Variants in PCDHA9 observed in about 807,000 individuals in gnomAD.
The protein encoded by PCDHA9 is protocadherin alpha-9.
A neutral mutation model predicts 62.0 loss-of-function variants in PCDHA9; 62 were observed. That is an observed-to-expected ratio of 1.00 (90% CI 0.81 to 1.23). PCDHA9 has a LOEUF of 1.23. Among genes scored for constraint, PCDHA9 ranks in the 50% most tolerant of loss-of-function variants. The probability of loss-of-function intolerance (pLI) is 0.00; values close to 1 mark genes in which losing one functional copy is unlikely to be tolerated. For synonymous variants in PCDHA9, 557 were observed against 567.6 expected, an observed-to-expected ratio of 0.98 and a Z score of 0.27; for missense variants, 1,205 against 1,249.8, an observed-to-expected ratio of 0.96 and a Z score of 0.54.
intron 1 of PCDHA9, chr5:140,966,814 CCGG>C (rs2096057641): frequency 1.9e-6 from 3 of 1,552,444 alleles, no homozygotes; most frequent in Non-Finnish European, 2.6e-6. Flanking sequence ...ATCCACGGCT[CCGG>C]CGGCCCATGC....
intron 1 of PCDHA9, among the ~76,000 whole-genome samples, chr5:140,905,575 G>A (rs1233481804): frequency 6.6e-6 from 1 of 152,138 alleles, no homozygotes; most frequent in Non-Finnish European, 1.5e-5. Flanking sequence ...TGTGAAGAAT[G>A]ATAATGATAT....
At chr5:140,902,189 C>T (rs2069172292) in intron 1 of PCDHA9, among the ~76,000 whole-genome samples, 1 of 145,890 alleles carries the variant, frequency 6.9e-6, no homozygotes, top group African/African-American at 2.6e-5. Flanking sequence ...TATGTCTTCT[C>T]TCTCTCTCTC....
rs189730532 is a variant in PCDHA9, at chr5:140,870,328, G to T, written c.2394+19439G>T. 1.5e-5 allele frequency: 24 copies of T among 1,614,208 alleles called. 2 individuals carry two copies. In the East Asian group the frequency reaches 4.7e-4, roughly 31 times the overall value. Reference sequence around the variant, plus strand: ...CAAGAATTACTACTCGTTGGTGCTGGACAGCGCCCTGGACCGCGAGAACGT... The same window carrying T: ...CAAGAATTACTACTCGTTGGTGCTGTACAGCGCCCTGGACCGCGAGAACGT... On this transcript the variant is annotated intron_variant, in intron 1 of 3. Transcript: ENST00000532602.
intron 1 of PCDHA9, chr5:140,869,752 G>C (rs1398153775): frequency 1.4e-5 from 22 of 1,613,136 alleles, no homozygotes; most frequent in Middle Eastern, 1.6e-4. Context: ...AGCTACAGAC[G>C]GGGGAAAACC....
intron 1 of PCDHA9, chr5:140,882,617 T>TA: frequency 6.2e-7 from 1 of 1,614,218 alleles, no homozygotes; most frequent in Non-Finnish European, 8.5e-7. Context: ...TCTGCAGGTT[T>TA]TCCATGTGGA....
chr5:140,876,948 C>T, intron 1 of PCDHA9: 2 of 1,613,572 alleles, frequency 1.2e-6, no homozygotes, highest in Non-Finnish European at 1.7e-6. Context: ...TGGTGTCCTA[C>T]TCGCTGGTGG....
chr5:140,873,086 C>T (rs984385666), intron 1 of PCDHA9, among the ~76,000 whole-genome samples: 6 of 152,122 alleles, frequency 3.9e-5, no homozygotes, highest in African/African-American at 9.7e-5. Context: ...ATTTCCCCCC[C>T]GTATAGAGGC....
At chr5:140,985,579 C>T (rs2097158687) in intron 3 of PCDHA9, among the ~76,000 whole-genome samples, 1 of 152,084 alleles carries the variant, frequency 6.6e-6, no homozygotes, top group African/African-American at 2.4e-5. Context: ...GTGCCTAAGC[C>T]TCCTTATACT....
intron 1 of PCDHA9, chr5:140,871,301 CGGG>C: frequency 6.2e-7 from 1 of 1,613,916 alleles, no homozygotes; most frequent in East Asian, 2.2e-5. Context: ...GCGTGCGCGC[CGGG>C]GAAGCCCACG....
chr5:140,933,545 A>G (rs1424166462), intron 1 of PCDHA9, among the ~76,000 whole-genome samples: 1 of 152,114 alleles, frequency 6.6e-6, no homozygotes, highest in Non-Finnish European at 1.5e-5. Flanking sequence ...TAATGTTAAT[A>G]TAAAATAAAA....
At position 140,853,244 on chromosome 5, in the gene PCDHA9, T is replaced by C. The variant is rs954151249; in HGVS notation, c.2394+2355T>C. ...TTGGTAATTTAGTCCTTCATATTAATCTCTATTCTCTCTCAGAGTACAAGC... is the reference window on the plus strand; with the variant it reads ...TTGGTAATTTAGTCCTTCATATTAACCTCTATTCTCTCTCAGAGTACAAGC... On this transcript the variant is annotated intron_variant, in intron 1 of 3. Transcript: ENST00000532602. 6.8e-5 allele frequency: 66 copies of C among 975,168 alleles called. 5 individuals carry two copies. Among genetic ancestry groups the C allele is most frequent in the Non-Finnish European group, 7.9e-5 (64 of 808,328 alleles). 60.4% of individuals were successfully genotyped at this position (975,168 alleles called of 1,614,324 possible).
In PCDHA9 at chr5:140,849,557, G is replaced by T. The variant is rs2150440607; in HGVS notation, c.1062G>T (p.Thr354=). The change falls in exon 1 of 4, where the codon ACG becomes ACT. Residue 354 remains threonine (T), a synonymous_variant. Coordinates refer to ENST00000532602, the MANE Select transcript of PCDHA9 (RefSeq NM_031857.2). ...ATGCTCCACAGTTGACTATCAAAAC[G>T]CTCTCGGTTCCTGTAAAAGAGGACG... The part of the protein sequence containing the change: ...NDNAPQLTIK[T]LSVPVKEDAQ... 2.5e-6 allele frequency: 4 copies of T among 1,598,482 alleles called. No individual in the cohort carries two copies. The highest frequency in any genetic ancestry group is 3.4e-6 in the Non-Finnish European group (4 of 1,167,902).
intron 1 of PCDHA9, among the ~76,000 whole-genome samples, chr5:140,937,364 T>C (rs1471697724): frequency 6.6e-6 from 1 of 152,150 alleles, no homozygotes; most frequent in African/African-American, 2.4e-5. Flanking sequence ...TATTTTATCT[T>C]AATGTTTATG....
chr5:140,981,690 A>C (rs1410954672), intron 2 of PCDHA9, among the ~76,000 whole-genome samples: 1 of 150,712 alleles, frequency 6.6e-6, no homozygotes, highest in Non-Finnish European at 1.5e-5. Flanking sequence ...CCCTTCCATC[A>C]TTCATTCATT....
At chr5:140,964,199 A>C (rs1183847716) in intron 1 of PCDHA9, among the ~76,000 whole-genome samples, 1 of 152,240 alleles carries the variant, frequency 6.6e-6, no homozygotes, top group Admixed American at 6.5e-5. Context: ...AGAGTATACC[A>C]TCTCTTTAGT....
intron 3 of PCDHA9, chr5:140,989,029 T>C (rs1179991724): frequency 6.6e-6 from 1 of 152,170 alleles, no homozygotes. Context: ...TCAGTTATCA[T>C]TGATTCCTTT....
At chr5:140,874,008 T>C (rs2054633118) in intron 1 of PCDHA9, among the ~76,000 whole-genome samples, 5 of 152,208 alleles carry the variant, frequency 3.3e-5, no homozygotes. Context: ...CATTGACCAC[T>C]TTTGAAAATG....
chr5:140,996,918 A>T lies in PCDHA9; in HGVS notation c.2543-12709A>T, dbSNP rs10036183. On this transcript the variant is annotated intron_variant, in intron 3 of 3. Transcript: ENST00000532602. ...GAATTACATTGTTGAAGTAAATATT[A>T]AAAAATATAGCATTTTTGCATAGAA... Among the ~76,000 whole-genome samples, 492 of 152,328 alleles carry T rather than the reference A, an allele frequency of 3.2e-3. 4 individuals are homozygous for T. Among genetic ancestry groups the T allele is most frequent in the African/African-American group, 0.011 (464 of 41,562 alleles).
rs1311209449 is a variant in PCDHA9, at chr5:141,010,944, A to G, written c.*1007A>G. On this transcript the variant is annotated 3_prime_UTR_variant, in exon 4 of 4. Transcript: ENST00000532602. ...GAGAATTCAGTCTACAGCCATTTAA[A>G]TGATCATTGCTGCTACAGAAGTGCT... 6.5e-6 allele frequency: 1 copy of G among 153,776 alleles called. No individual in the cohort carries two copies. The highest frequency in any genetic ancestry group is 2.4e-5 in the African/African-American group (1 of 41,450). 9.5% of individuals were successfully genotyped at this position (153,776 alleles called of 1,614,324 possible).
Sources: allele counts gnomAD v4.1 joint callset (sites outside exome capture counted in the v4.1 genomes callset), GRCh38; gene constraint gnomAD v4.1.1; transcripts MANE v1.5; gene names NCBI Gene and HGNC (gene_info 2026-07-23, HGNC 2026-07-21).